STAG1: variants seen among roughly 807,000 people sequenced by gnomAD.
STAG1 encodes STAG1 cohesin complex component, also known as cohesin subunit SA-1.
STAG1 carries 26 observed loss-of-function variants against 170.9 expected under a neutral mutation model. The ratio of observed to expected loss-of-function variants is 0.15; its 90% CI spans 0.11 to 0.21. The LOEUF (loss-of-function observed/expected upper bound fraction) is 0.21, where lower values mean the gene tolerates loss of function less well. STAG1 is among the 10% of genes least tolerant of loss of function. The pLI, the probability that STAG1 is intolerant of heterozygous loss-of-function variation, is 1.00. For synonymous variants in STAG1, 514 were observed against 497.7 expected (o/e 1.03, Z -0.44); for missense variants, 964 against 1,509.5 (o/e 0.64, Z 5.99).
At chr3:136,411,975 G>C (rs562558132) in intron 21 of STAG1, among the ~76,000 whole-genome samples, 2 of 152,162 alleles carry the variant, frequency 1.3e-5, no homozygotes, top group African/African-American at 4.8e-5. Flanking sequence ...TTAGTAGAGA[G>C]AGCATTTTGC....
intron 28 of STAG1, among the ~76,000 whole-genome samples, chr3:136,357,416 T>C (rs1936701581): frequency 6.6e-6 from 1 of 152,160 alleles, no homozygotes; most frequent in African/African-American, 2.4e-5. Context: ...ATGAAATTAA[T>C]ATAAAAGGAA....
chr3:136,517,763 T>C (rs914492612), intron 7 of STAG1, among the ~76,000 whole-genome samples: 7 of 152,120 alleles, frequency 4.6e-5, no homozygotes, highest in Admixed American at 4.6e-4. Flanking sequence ...TGTACTACTA[T>C]GTCCCACTGA....
At chr3:136,424,775 T>A (rs899008695) in intron 16 of STAG1, among the ~76,000 whole-genome samples, 2 of 152,202 alleles carry the variant, frequency 1.3e-5, no homozygotes, top group African/African-American at 2.4e-5. Flanking sequence ...TATTTTTCCT[T>A]TGACCTAGCA....
intron 1 of STAG1, among the ~76,000 whole-genome samples, chr3:136,636,177 G>A (rs1004814772): frequency 1.3e-5 from 2 of 151,996 alleles, no homozygotes; most frequent in African/African-American, 4.8e-5. Flanking sequence ...GAACCCAGAA[G>A]GCAGAGATTG....
At chr3:136,555,642 G>A (rs1318502327) in intron 5 of STAG1, among the ~76,000 whole-genome samples, 4 of 151,816 alleles carry the variant, frequency 2.6e-5, no homozygotes, top group Non-Finnish European at 5.9e-5. Context: ...CGTGTTTGTG[G>A]CACTGTACTC....
At chr3:136,712,008 C>T (rs79001398) in intron 1 of STAG1, among the ~76,000 whole-genome samples, 1 of 152,066 alleles carries the variant, frequency 6.6e-6, no homozygotes, top group Non-Finnish European at 1.5e-5. Context: ...TGTACCTATT[C>T]AGATAACTTT....
chr3:136,488,782 G>T (rs1324410836), intron 9 of STAG1, among the ~76,000 whole-genome samples: 1 of 152,142 alleles, frequency 6.6e-6, no homozygotes, highest in Non-Finnish European at 1.5e-5. Context: ...AAAATGCAGT[G>T]TAAGTCTAAA....
At chr3:136,737,110 C>T in intron 1 of STAG1, 5 of 880,020 alleles carry the variant, frequency 5.7e-6, no homozygotes, top group Non-Finnish European at 9.7e-6. Context: ...GTCAGTCTTT[C>T]AATCTGATTT....
intron 4 of STAG1, among the ~76,000 whole-genome samples, chr3:136,572,152 T>C (rs1000647697): frequency 6.6e-6 from 1 of 152,006 alleles, no homozygotes. Context: ...GAGGCAGAGG[T>C]TGCAGTGAGC....
chr3:136,608,269 A>C (rs1368729052), intron 3 of STAG1, among the ~76,000 whole-genome samples: 3 of 151,966 alleles, frequency 2.0e-5, no homozygotes, highest in African/African-American at 4.8e-5. Flanking sequence ...AAAAAAAAAA[A>C]AAAACTGCAC....
At chr3:136,454,125 C>CA (rs1381517045) in intron 13 of STAG1, among the ~76,000 whole-genome samples, 1 of 152,160 alleles carries the variant, frequency 6.6e-6, no homozygotes, top group African/African-American at 2.4e-5. Flanking sequence ...GACACAGTCT[C>CA]ACTCTGTCAC....
chr3:136,396,649 TC>T (rs111606409), intron 22 of STAG1, among the ~76,000 whole-genome samples: 1 of 143,012 alleles, frequency 7.0e-6, no homozygotes, highest in African/African-American at 2.6e-5. Flanking sequence ...TGCCTCAGCC[TC>T]CCAAGCAGCT....
In STAG1 at chr3:136,383,282, G is replaced by T. The variant is rs571803524; in HGVS notation, c.2278-5530C>A. Among the ~76,000 whole-genome samples, 5 of 151,666 alleles carry T rather than the reference G, an allele frequency of 3.3e-5. No homozygotes were observed. The South Asian group carries it at 8.3e-4, about 25-fold the overall frequency. On this transcript the variant is annotated intron_variant, in intron 22 of 33. Coordinates refer to ENST00000383202, the MANE Select transcript of STAG1 (RefSeq NM_005862.3). ...AAAGAACAATAGATAATATTCAAGA[G>T]AAAAAGAAAAAGAAATATAAAAAGA...
chr3:136,688,897 A>G (rs1017389820), intron 1 of STAG1, among the ~76,000 whole-genome samples: 7 of 152,178 alleles, frequency 4.6e-5, no homozygotes, highest in African/African-American at 1.7e-4. Flanking sequence ...AGGCCAAAAA[A>G]GCTGTTAGGT....
chr3:136,371,347 C>A lies in STAG1; in HGVS notation c.2371-2065G>T, dbSNP rs1431459524. On this transcript the variant is annotated intron_variant, in intron 23 of 33. Transcript: ENST00000383202. ...GGTAGTTTCTTTTGCTGTGCAGAAG[C>A]TCTTTAGTTTAATTAGATCCCATTT... 5.3e-5 allele frequency among the ~76,000 whole-genome samples: 8 copies of A among 151,932 alleles called. No homozygotes were observed. The South Asian group carries it at 1.2e-3, about 24-fold the overall frequency.
intron 12 of STAG1, among the ~76,000 whole-genome samples, chr3:136,465,558 C>CAAAAAAAA (rs11364802): frequency 1.7e-4 from 8 of 48,220 alleles, no homozygotes; most frequent in Non-Finnish European, 2.0e-4. Flanking sequence ...ACTCTTGCCT[C>CAAAAAAAA]AAAAAAAAAA....
intron 1 of STAG1, among the ~76,000 whole-genome samples, chr3:136,729,073 C>T (rs1933855438): frequency 6.6e-6 from 1 of 152,210 alleles, no homozygotes; most frequent in African/African-American, 2.4e-5. Context: ...CTCTGCCTCC[C>T]TGGCTCAAGG....
At chr3:136,382,401 C>CTT (rs1033807448) in intron 22 of STAG1, among the ~76,000 whole-genome samples, 27 of 134,582 alleles carry the variant, frequency 2.0e-4, no homozygotes, top group African/African-American at 5.9e-4. Flanking sequence ...CCAAGGCTTT[C>CTT]TTTTTTTTTT....
intron 1 of STAG1, among the ~76,000 whole-genome samples, chr3:136,683,585 A>G (rs934440989): frequency 6.6e-6 from 1 of 151,840 alleles, no homozygotes; most frequent in Non-Finnish European, 1.5e-5. Flanking sequence ...TTTTTTTTTT[A>G]AACTACAGAT....
Sources: gnomAD v4.1 joint callset for allele counts (sites outside exome capture counted in the v4.1 genomes callset) on GRCh38, gnomAD v4.1.1 for gene constraint, MANE v1.5 for transcripts, NCBI Gene and HGNC (gene_info 2026-07-23, HGNC 2026-07-21) for gene names.